HECTD4: variants seen among roughly 807,000 people sequenced by gnomAD.
HECTD4 encodes the protein probable E3 ubiquitin-protein ligase HECTD4.
HECTD4 carries 114 observed loss-of-function variants against 471.5 expected under a neutral mutation model. The ratio of observed to expected loss-of-function variants is 0.24; its 90% CI spans 0.21 to 0.28. HECTD4 has a LOEUF of 0.28. HECTD4 is among the 10% of genes least tolerant of loss of function. The pLI, the probability that HECTD4 is intolerant of heterozygous loss-of-function variation, is 1.00. For missense variants in HECTD4, 3,866 were observed against 5,651.5 expected (o/e 0.68, Z 10.13); for synonymous variants, 2,012 against 2,256.0 (o/e 0.89, Z 3.07).
chr12:112,258,308 A>T, intron 20 of HECTD4, 188 bp downstream of exon 20: 2 of 415,158 alleles, frequency 4.8e-6, no homozygotes, highest in Non-Finnish European at 8.5e-6. Flanking sequence ...TCCATGGGGA[A>T]ATTTATGCTA....
intron 44 of HECTD4, among the ~76,000 whole-genome samples, chr12:112,223,002 A>C (rs2033141963): frequency 6.6e-6 from 1 of 152,134 alleles, no homozygotes; most frequent in South Asian, 2.1e-4. Context: ...CTAAGCCTGG[A>C]TCTCAGCTGA....
chr12:112,167,857 G>C lies in HECTD4; in HGVS notation c.12269C>G (p.Ser4090Trp). The C allele has an allele frequency of 5.0e-6, 8 of 1,613,630 alleles. No individual in the cohort carries two copies. The highest frequency in any genetic ancestry group is 6.8e-6 in the Non-Finnish European group (8 of 1,179,862). Residue 4090 changes from serine (S) to tryptophan (W), a missense_variant, in exon 71 of 76, where the codon TCG becomes TGG. Physicochemically the swap from Ser to Trp is radical, Grantham distance 177 (BLOSUM62 -3). Transcript: ENST00000682272. ...VCKELQSSSLSLLLLCPSSAV... is the reference protein window; with the variant it reads ...VCKELQSSSLWLLLLCPSSAV... ...TGAGCTGGGGCACAGCAGCAGCAGC[G>C]ACAGCGAGGAACTCTGCAGCTCCTT...
Position 112,306,118 on chromosome 12 carries a change from C to T in HECTD4, c.1281G>A (p.Leu427=), listed in dbSNP as rs369515958. Residue 427 remains leucine (L), a synonymous_variant, in exon 7 of 76, where the codon CTG becomes CTA. Transcript: ENST00000682272. ...AATGTCCCTTCGGTGTTTTCTCATT[C>T]AGGCTGGCAGGAGACCAGATCCAAT... ...YFYWIWSPAS[L]NEKTPKGHSV... is the part of the protein sequence containing the mutation. 1.5e-5 allele frequency: 25 copies of T among 1,613,018 alleles called. No individual in the cohort carries two copies. The African/African-American group carries it at 3.2e-4, about 21-fold the overall frequency.
chr12:112,339,414 T>C (rs1354023795), intron 1 of HECTD4, among the ~76,000 whole-genome samples: 5 of 151,846 alleles, frequency 3.3e-5, no homozygotes, highest in African/African-American at 1.2e-4. Context: ...TTTAGGGCTA[T>C]ATGCATAATA....
At chr12:112,284,340 G>A (rs1387289837) in intron 7 of HECTD4, among the ~76,000 whole-genome samples, 4 of 152,164 alleles carry the variant, frequency 2.6e-5, no homozygotes, top group African/African-American at 7.2e-5. Flanking sequence ...GTCCCCACCA[G>A]CAAAGACAGG....
At chr12:112,258,886 A>G (rs909729756) in intron 19 of HECTD4, 8 of 578,062 alleles carry the variant, frequency 1.4e-5, no homozygotes, top group African/African-American at 7.6e-5. Context: ...CTGATCAGCC[A>G]TGAACACTTG....
In HECTD4 at chr12:112,239,037, A is replaced by C. The variant is rs1208192761; in HGVS notation, c.5290+15T>G. On this transcript the variant is annotated intron_variant, in intron 34 of 75. Coordinates refer to ENST00000682272, the MANE Select transcript of HECTD4 (RefSeq NM_001388303.1). This position sits in a 1 kb window ranked among gnomAD's most constrained non-coding sequence, Gnocchi z 4.9. ...AAGAAATCAGTGAGCTCTAGAAAGG[A>C]GTCTGGCATCTCACCTTCCTCTTTT... 1 of 1,603,040 alleles carries C rather than the reference A, an allele frequency of 6.2e-7. No individual in the cohort carries two copies.
chr12:112,315,574 A>T (rs1040220202), intron 2 of HECTD4, among the ~76,000 whole-genome samples: 2 of 152,154 alleles, frequency 1.3e-5, no homozygotes, highest in Admixed American at 1.3e-4. Flanking sequence ...CCTAACTCCT[A>T]TGGATTTTTG....
intron 8 of HECTD4, among the ~76,000 whole-genome samples, chr12:112,279,853 G>A (rs1411504957): frequency 2.6e-5 from 4 of 152,138 alleles, no homozygotes; most frequent in Non-Finnish European, 5.9e-5. Flanking sequence ...TAAGAGTTGA[G>A]CATTCCTAAT....
At position 112,193,655 on chromosome 12, in the gene HECTD4, G is replaced by C; in HGVS notation, c.8769C>G (p.Ser2923Arg). 1 of 1,612,392 alleles carries C rather than the reference G, an allele frequency of 6.2e-7. No individual in the cohort carries two copies. Residue 2923 changes from serine to arginine, a missense_variant, in exon 57 of 76, where the codon AGC becomes AGG. Transcript: ENST00000682272. The surrounding 1 kb of genome is among the most constrained non-coding windows in gnomAD (Gnocchi z 5.2). The stretch of plus-strand genomic sequence containing the variant: ...GTAAAGACTGCGCCAGGAGGATCGA[G>C]CTGGAGCTGATGGTGCCGTCTGGGG... ...PPLPDGTISS[S>R]SILLAQSLQH... is the part of the protein sequence containing the mutation.
In HECTD4 at chr12:112,382,376, C is replaced by T. The variant is rs1482766461; in HGVS notation, c.-248G>A. The T allele has an allele frequency of 1.7e-5, 6 of 356,100 alleles. No individual in the cohort carries two copies. The East Asian group carries it at 3.2e-4, about 19-fold the overall frequency. 22.1% of individuals were successfully genotyped at this position (356,100 alleles called of 1,614,324 possible). ...CGCCGCCGCCCTCAGGAGCAGGATC[C>T]GCCTCTGCCGCTCGGCAACCAACTG... is the stretch of plus-strand genomic sequence containing the variant. On this transcript the variant is annotated 5_prime_UTR_variant, in exon 1 of 76. Coordinates refer to ENST00000682272, the MANE Select transcript of HECTD4 (RefSeq NM_001388303.1).
chr12:112,219,319 G>A, intron 45 of HECTD4, 67 bp downstream of exon 45: 1 of 1,145,330 alleles, frequency 8.7e-7, no homozygotes, highest in Non-Finnish European at 1.3e-6. Context: ...TCCTTAACTT[G>A]CTGCTGGCCT....
At chr12:112,250,879 A>T (rs1393974865) in intron 24 of HECTD4, 92 bp downstream of exon 24, 5 of 1,296,060 alleles carry the variant, frequency 3.9e-6, no homozygotes, top group Non-Finnish European at 4.2e-6. Flanking sequence ...CAGTAGGCAC[A>T]ATCACCTGGG....
In HECTD4 at chr12:112,308,734, G is replaced by A. The variant is rs990848041; in HGVS notation, c.1164+19C>T. 13 of 1,522,116 alleles carry A rather than the reference G, an allele frequency of 8.5e-6. No individual in the cohort carries two copies. The highest frequency in any genetic ancestry group is 1.1e-5 in the Non-Finnish European group (13 of 1,140,758). The allele number at this position is 1,522,116 out of a possible 1,614,324, so 94.3% of individuals were successfully genotyped here. ...TGCCTCTAAAATATGTTTTAAAAAT[G>A]CCTTGGTTTTCTGTTTACCTGAAGG... On this transcript the variant is annotated intron_variant, in intron 6 of 75. Transcript: ENST00000682272.
At chr12:112,266,540 G>T (rs1291679062) in intron 14 of HECTD4, among the ~76,000 whole-genome samples, 1 of 152,218 alleles carries the variant, frequency 6.6e-6, no homozygotes, top group African/African-American at 2.4e-5. Flanking sequence ...GAGTGCAGTT[G>T]TGTCATAACA....
Position 112,188,883 on chromosome 12 carries a change from T to C in HECTD4, c.9472+1903A>G, listed in dbSNP as rs902225024. Among the ~76,000 whole-genome samples the C allele has an allele frequency of 1.3e-5, 2 of 152,238 alleles. No individual in the cohort carries two copies. Among genetic ancestry groups the C allele is most frequent in the African/African-American group, 4.8e-5 (2 of 41,454 alleles). ...GGCCCTCAGATGCCAGAACTATTCA[T>C]GTCACCTCCGTTGTCCTTGCTCTAC... is the stretch of plus-strand genomic sequence containing the variant. On this transcript the variant is annotated intron_variant, in intron 60 of 75. Transcript: ENST00000682272. The surrounding 1 kb of genome is among the most constrained non-coding windows in gnomAD (Gnocchi z 4.2).
intron 34 of HECTD4, among the ~76,000 whole-genome samples, chr12:112,237,650 A>T (rs2033544754): frequency 6.6e-6 from 1 of 152,100 alleles, no homozygotes; most frequent in Admixed American, 6.6e-5. Context: ...TCCCTAGCAC[A>T]GCTGGTCTCT....
intron 67 of HECTD4, among the ~76,000 whole-genome samples, chr12:112,172,054 C>T (rs1299895921): frequency 2.6e-5 from 4 of 152,202 alleles, no homozygotes; most frequent in African/African-American, 9.6e-5. Context: ...CAGGCATGCG[C>T]CACCACGCCC....
Position 112,179,493 on chromosome 12 carries a change from C to T in HECTD4, c.10988-96G>A, listed in dbSNP as rs909531761. 29 of 1,090,612 alleles carry T rather than the reference C, an allele frequency of 2.7e-5. No homozygotes were observed. In the Admixed American group the frequency reaches 4.0e-4, roughly 15 times the overall value. The allele number at this position is 1,090,612 out of a possible 1,614,324, so 67.6% of individuals were successfully genotyped here. On this transcript the variant is annotated intron_variant, in intron 62 of 75. Coordinates refer to ENST00000682272, the MANE Select transcript of HECTD4 (RefSeq NM_001388303.1). This position sits in a 1 kb window ranked among gnomAD's most constrained non-coding sequence, Gnocchi z 4.3. ...GTTTCCAAACACTGTTTGAAAGGGG[C>T]AGTGGATGGACATTAGTGGAAGGAA...
Sources: allele counts gnomAD v4.1 joint callset (sites outside exome capture counted in the v4.1 genomes callset), GRCh38; gene constraint gnomAD v4.1.1; non-coding constraint Gnocchi (gnomAD v3.1); transcripts MANE v1.5; gene names NCBI Gene and HGNC (gene_info 2026-07-23, HGNC 2026-07-21).